Variants in ZNF845 observed in about 807,000 individuals in gnomAD.
The protein encoded by ZNF845 is zinc finger protein 845.
A neutral mutation model predicts 76.1 loss-of-function variants in ZNF845; 59 were observed. The ratio of observed to expected loss-of-function variants is 0.78; its 90% confidence interval spans 0.63 to 0.96. The LOEUF (loss-of-function observed/expected upper bound fraction) is 0.96, where lower values mean the gene tolerates loss of function less well. ZNF845 is among the 40% of genes least tolerant of loss of function. The pLI, the probability that ZNF845 is intolerant of heterozygous loss-of-function variation, is 0.00. For missense variants in ZNF845, 1,045 were observed against 1,172.8 expected, an observed-to-expected ratio of 0.89 and a Z score of 1.59; for synonymous variants, 361 against 386.9, an observed-to-expected ratio of 0.93 and a Z score of 0.78.
At position 53,356,846 on chromosome 19, in the gene ZNF845, G is replaced by A. The variant is rs148774302; in HGVS notation, c.*3258G>A. On this transcript the variant is annotated 3_prime_UTR_variant, in exon 4 of 4. Transcript: ENST00000458035. Reference sequence around the variant, plus strand: ...CGGGAGGTTGAGGCAGGAGAATGGCGTGAACCCAGGGGGGCGGAACCTGCA... The same window carrying A: ...CGGGAGGTTGAGGCAGGAGAATGGCATGAACCCAGGGGGGCGGAACCTGCA... 0.018 allele frequency: 2,631 copies of A among 149,242 alleles called. 25 individuals carry two copies. The highest frequency in any genetic ancestry group is 0.021 in the Middle Eastern group (6 of 282). The allele number at this position is 149,242 out of a possible 1,614,324, so 9.2% of individuals were successfully genotyped here.
rs1204433878 is a variant in ZNF845 at position 53,353,317 on chromosome 19, A to G, written c.2642A>G (p.His881Arg). The change falls in exon 4 of 4, where the codon CAT becomes CGT. Residue 881 changes from histidine (H) to arginine (R), a missense_variant. Coordinates refer to ENST00000458035, the MANE Select transcript of ZNF845 (RefSeq NM_138374.3). ...AACCTTTCACGTCATCATAGACTTC[A>G]TACTGGAGAGAAACCTTACAAGTGT... ...KANLSRHHRL[H>R]TGEKPYKCNK... 1 of 1,613,728 alleles carries G rather than the reference A, an allele frequency of 6.2e-7. No individual in the cohort carries two copies. Among genetic ancestry groups the G allele is most frequent in the Non-Finnish European group, 8.5e-7 (1 of 1,179,846 alleles).
At chr19:53,336,877 T>C (rs1469442449) in intron 1 of ZNF845, among the ~76,000 whole-genome samples, 1 of 152,216 alleles carries the variant, frequency 6.6e-6, no homozygotes, top group African/African-American at 2.4e-5. Context: ...CTTTCTAGTC[T>C]TTATTATTTA....
At chr19:53,335,113 C>T (rs2085204146) in intron 1 of ZNF845, among the ~76,000 whole-genome samples, 1 of 152,092 alleles carries the variant, frequency 6.6e-6, no homozygotes, top group Non-Finnish European at 1.5e-5. Flanking sequence ...GGTCAGCTTC[C>T]ACTTGGAATC....
chr19:53,341,435 C>A, intron 2 of ZNF845, 113 bp downstream of exon 2: 1 of 1,479,128 alleles, frequency 6.8e-7, no homozygotes, highest in Non-Finnish European at 9.4e-7. Context: ...GGTTTGCTCG[C>A]ACTCACCCAT....
At chr19:53,340,271 C>T (rs2085246957) in intron 1 of ZNF845, among the ~76,000 whole-genome samples, 3 of 152,182 alleles carry the variant, frequency 2.0e-5, no homozygotes, top group Admixed American at 6.5e-5. Context: ...AGGCTGGTTT[C>T]GAACTTCTGA....
At chr19:53,344,585 T>C (rs1284259093) in intron 2 of ZNF845, among the ~76,000 whole-genome samples, 3 of 126,050 alleles carry the variant, frequency 2.4e-5, no homozygotes, top group Non-Finnish European at 5.3e-5. Flanking sequence ...GAACCCTACA[T>C]TGATTTTTAT....
In ZNF845 at chr19:53,353,113, G is replaced by A. The variant is rs192400972; in HGVS notation, c.2438G>A (p.Arg813His). 124 of 1,598,838 alleles carry A rather than the reference G, an allele frequency of 7.8e-5. No homozygotes were observed. The highest frequency in any genetic ancestry group is 9.8e-5 in the Non-Finnish European group (114 of 1,167,210). ...YKCNECGKNF[R>H]HNSALVIHKA... ...TGTAATGAATGTGGCAAGAACTTCC[G>A]TCACAATTCAGCCCTTGTAATTCAT... Residue 813 changes from arginine to histidine, a missense_variant, in exon 4 of 4, where the codon CGT becomes CAT. Arg to His is a conservative substitution (Grantham distance 29, BLOSUM62 0). Coordinates refer to ENST00000458035, the MANE Select transcript of ZNF845 (RefSeq NM_138374.3).
chr19:53,348,393 C>T (rs2085311070), intron 3 of ZNF845, among the ~76,000 whole-genome samples: 1 of 152,090 alleles, frequency 6.6e-6, no homozygotes, highest in Non-Finnish European at 1.5e-5. Flanking sequence ...CTGGTGAGAG[C>T]ATTCTTCATG....
chr19:53,350,501 C>T (rs976600964), intron 3 of ZNF845, among the ~76,000 whole-genome samples: 2 of 152,106 alleles, frequency 1.3e-5, no homozygotes, highest in African/African-American at 4.8e-5. Context: ...ATTGATGTGA[C>T]AGTGATATGT....
rs780390627 is a variant in ZNF845 at position 53,345,629 on chromosome 19, C to G, written c.139C>G (p.Leu47Val). The G allele has an allele frequency of 1.2e-6, 2 of 1,613,024 alleles. No homozygotes were observed. The highest frequency in any genetic ancestry group is 2.7e-5 in the African/African-American group (2 of 74,826). The change falls in exon 3 of 4, where the codon CTG becomes GTG. Residue 47 changes from leucine to valine, a missense_variant. Leu to Val is a conservative substitution (Grantham distance 32, BLOSUM62 1). Transcript: ENST00000458035. ...MLENYRNLVS[L>V]DISSKCMMKE... ...GGAGAATTATAGGAACCTGGTCTCC[C>G]TGGGTGAGGATAACTTCCCTCCAGA...
At chr19:53,350,457 G>A (rs867552596) in intron 3 of ZNF845, among the ~76,000 whole-genome samples, 10 of 152,276 alleles carry the variant, frequency 6.6e-5, no homozygotes, top group Non-Finnish European at 1.2e-4. Flanking sequence ...TAGTAAATAT[G>A]CTGTAAATAT....
chr19:53,337,670 G>A (rs1312973675), intron 1 of ZNF845, among the ~76,000 whole-genome samples: 3 of 152,150 alleles, frequency 2.0e-5, no homozygotes, highest in South Asian at 2.1e-4. Flanking sequence ...CCGGGTTAAA[G>A]TGATTCTCCT....
chr19:53,347,189 C>T (rs1023001885), intron 3 of ZNF845, among the ~76,000 whole-genome samples: 1 of 151,960 alleles, frequency 6.6e-6, no homozygotes, highest in Non-Finnish European at 1.5e-5. Flanking sequence ...CCCAGCTTAT[C>T]TGTCTTTTTA....
intron 2 of ZNF845, among the ~76,000 whole-genome samples, chr19:53,343,115 A>G (rs12979539): frequency 0.33 from 49,743 of 152,012 alleles, 8,762 homozygotes; most frequent in Non-Finnish European, 0.4. Flanking sequence ...CACCGCGCCC[A>G]GCCCCCAATA....
intron 3 of ZNF845, 147 bp downstream of exon 3, chr19:53,345,779 C>T: frequency 6.7e-7 from 1 of 1,496,224 alleles, no homozygotes; most frequent in Non-Finnish European, 8.9e-7. Flanking sequence ...AATTCCTGGG[C>T]TCATGTGATT....
chr19:53,340,786 A>C (rs1226571151), intron 1 of ZNF845: 3 of 331,562 alleles, frequency 9.0e-6, no homozygotes, highest in Non-Finnish European at 1.1e-5. Context: ...CTCTGACCTC[A>C]TCTGTTTCCC....
intron 3 of ZNF845, among the ~76,000 whole-genome samples, chr19:53,349,871 C>T (rs1215452251): frequency 1.3e-5 from 2 of 151,854 alleles, no homozygotes; most frequent in Admixed American, 6.6e-5. Context: ...CCCATCTTTA[C>T]TAAAAACACA....
intron 1 of ZNF845, chr19:53,337,174 C>A: frequency 2.2e-6 from 1 of 456,668 alleles, no homozygotes; most frequent in Admixed American, 2.3e-5. Flanking sequence ...CACTAAAACC[C>A]TTCCTGTCTC....
chr19:53,348,209 C>G (rs60921243), intron 3 of ZNF845, among the ~76,000 whole-genome samples: 10,067 of 152,142 alleles, frequency 0.066, 472 homozygotes, highest in Admixed American at 0.18. Context: ...AGAATCTCTT[C>G]AGGCAGGAGA....
Sources: gnomAD v4.1 joint callset for allele counts (sites outside exome capture counted in the v4.1 genomes callset) on GRCh38, gnomAD v4.1.1 for gene constraint, MANE v1.5 for transcripts, NCBI Gene and HGNC (gene_info 2026-07-23, HGNC 2026-07-21) for gene names.